Variants in GFOD1 observed in about 807,000 individuals in gnomAD.
GFOD1 encodes the protein glucose-fructose oxidoreductase domain-containing protein 1.
Under a neutral mutation model 25.4 loss-of-function variants are expected in GFOD1, and 9 were observed. The observed-to-expected ratio is 0.35, with a 90% CI of 0.21 to 0.62. GFOD1 has a LOEUF of 0.62. Ranked by LOEUF, GFOD1 falls within the 20% of genes least tolerant of loss-of-function variation. The probability of loss-of-function intolerance (pLI) is 0.72; values close to 1 mark genes in which losing one functional copy is unlikely to be tolerated. For missense variants in GFOD1, 403 were observed against 556.9 expected (o/e 0.72, Z 2.78); for synonymous variants, 253 against 245.6 (o/e 1.03, Z -0.28).
In GFOD1 at chr6:13,365,655, G is replaced by C; in HGVS notation, c.261C>G (p.Gly87=). 1 of 1,593,014 alleles carries C rather than the reference G, an allele frequency of 6.3e-7. No individual in the cohort carries two copies. Among genetic ancestry groups the C allele is most frequent in the Non-Finnish European group, 8.5e-7 (1 of 1,174,918 alleles). The change falls in exon 2 of 2, where the codon GGC becomes GGG. Residue 87 remains glycine (G), a synonymous_variant. Transcript: ENST00000379287. The surrounding 1 kb of genome is among the most constrained non-coding windows in gnomAD (Gnocchi z 9.2). ...CCGTGCGGTCGCAGATGACGTTCTT[G>C]CCGATGCCTGCGGGTGGGAGGAAGA... ...RQIAVKTLGI[G]KNVICDRTAT...
chr6:13,386,444 G>A (rs367988192), intron 1 of GFOD1, among the ~76,000 whole-genome samples: 4 of 152,068 alleles, frequency 2.6e-5, no homozygotes, highest in South Asian at 2.1e-4. Flanking sequence ...GAGGACATGC[G>A]GCTGTCCCTG....
At chr6:13,444,657 G>A (rs1757974823) in intron 1 of GFOD1, among the ~76,000 whole-genome samples, 1 of 151,988 alleles carries the variant, frequency 6.6e-6, no homozygotes, top group African/African-American at 2.4e-5. Context: ...AACGTTTTAT[G>A]TCTAAGTAAC....
intron 1 of GFOD1, among the ~76,000 whole-genome samples, chr6:13,393,780 C>CT (rs70989854): frequency 0.1 from 12,481 of 119,894 alleles, 1,297 homozygotes; most frequent in African/African-American, 0.22. Flanking sequence ...TTTTTCTTTT[C>CT]TTTTTTTTTT....
chr6:13,397,513 C>G (rs548637370), intron 1 of GFOD1, among the ~76,000 whole-genome samples: 6 of 152,334 alleles, frequency 3.9e-5, no homozygotes, highest in African/African-American at 1.2e-4. Flanking sequence ...CTGCCATAAC[C>G]TGGAAGGGTG....
chr6:13,486,208 C>G, intron 1 of GFOD1: 13 of 990,638 alleles, frequency 1.3e-5, no homozygotes, highest in Non-Finnish European at 1.4e-5. Flanking sequence ...ACTCGCCTCT[C>G]CCAGGCGCGC....
At chr6:13,455,234 G>C (rs188590730) in intron 1 of GFOD1, among the ~76,000 whole-genome samples, 3 of 152,248 alleles carry the variant, frequency 2.0e-5, no homozygotes, top group Admixed American at 2.0e-4. Flanking sequence ...GGGTGGGTCA[G>C]GTTTCTGACC....
chr6:13,374,274 TG>T (rs796306865), intron 1 of GFOD1, among the ~76,000 whole-genome samples: 23 of 113,388 alleles, frequency 2.0e-4, no homozygotes, highest in African/African-American at 4.9e-4. Context: ...GTTTTTTTTT[TG>T]TGTGTGTGTG....
chr6:13,404,071 C>T lies in GFOD1; in HGVS notation c.254-38409G>A, dbSNP rs55657318. Among the ~76,000 whole-genome samples the T allele has an allele frequency of 9.0e-3, 1,375 of 152,182 alleles. 18 individuals carry two copies. Among genetic ancestry groups the T allele is most frequent in the African/African-American group, 0.031 (1,303 of 41,518 alleles). Reference sequence around the variant, plus strand: ...TTTTTAAAAGTTAAAAAGTAAACAACGATAGTTTGAAATCAGCCTAATTTT... The same window carrying T: ...TTTTTAAAAGTTAAAAAGTAAACAATGATAGTTTGAAATCAGCCTAATTTT... On this transcript the variant is annotated intron_variant, in intron 1 of 1. Coordinates refer to ENST00000379287, the MANE Select transcript of GFOD1 (RefSeq NM_018988.4).
intron 1 of GFOD1, among the ~76,000 whole-genome samples, chr6:13,416,278 AGT>A (rs1218761330): frequency 6.6e-6 from 1 of 152,244 alleles, no homozygotes; most frequent in East Asian, 1.9e-4. Context: ...TAAATTGTCC[AGT>A]CTCAAGTATG....
At chr6:13,481,915 T>C (rs1758760718) in intron 1 of GFOD1, among the ~76,000 whole-genome samples, 1 of 152,196 alleles carries the variant, frequency 6.6e-6, no homozygotes, top group Admixed American at 6.5e-5. Flanking sequence ...AGATTATTCA[T>C]TACATGGTTG....
chr6:13,439,064 AG>A (rs1355699269), intron 1 of GFOD1, among the ~76,000 whole-genome samples: 3 of 152,126 alleles, frequency 2.0e-5, no homozygotes, highest in African/African-American at 7.2e-5. Flanking sequence ...CTCTGCAATC[AG>A]GGTACTCAGG....
At chr6:13,466,988 C>A (rs1213291803) in intron 1 of GFOD1, among the ~76,000 whole-genome samples, 1 of 152,010 alleles carries the variant, frequency 6.6e-6, no homozygotes, top group African/African-American at 2.4e-5. Context: ...GGCAAGCAGC[C>A]GTCCCACTAA....
chr6:13,383,515 A>G (rs1785405477), intron 1 of GFOD1, among the ~76,000 whole-genome samples: 1 of 152,204 alleles, frequency 6.6e-6, no homozygotes, highest in Non-Finnish European at 1.5e-5. Flanking sequence ...ACAAACATAC[A>G]CTAGGAAAAA....
rs1158971100 is a variant in GFOD1, at chr6:13,430,963, T to C, written c.253+55675A>G. 6.6e-6 allele frequency among the ~76,000 whole-genome samples: 1 copy of C among 152,260 alleles called. No individual in the cohort carries two copies. Among genetic ancestry groups the C allele is most frequent in the Non-Finnish European group, 1.5e-5 (1 of 68,046 alleles). On this transcript the variant is annotated intron_variant, in intron 1 of 1. Transcript: ENST00000379287. This position sits in a 1 kb window ranked among gnomAD's most constrained non-coding sequence, Gnocchi z 4.1. The stretch of plus-strand genomic sequence containing the variant: ...TATATGTGCTTCATCTCATTTGATA[T>C]TCACTGCCATATTTATACATCGGGA...
At chr6:13,466,469 C>G (rs943029012) in intron 1 of GFOD1, among the ~76,000 whole-genome samples, 1 of 151,912 alleles carries the variant, frequency 6.6e-6, no homozygotes, top group Admixed American at 6.6e-5. Flanking sequence ...AACTACATGC[C>G]GAGGGAGCCT....
chr6:13,464,639 T>G (rs1229962505), intron 1 of GFOD1, among the ~76,000 whole-genome samples: 2 of 152,226 alleles, frequency 1.3e-5, no homozygotes, highest in East Asian at 3.8e-4. Flanking sequence ...TTAACATTTA[T>G]ATCAGTAGAT....
intron 1 of GFOD1, among the ~76,000 whole-genome samples, chr6:13,389,581 G>A (rs542752998): frequency 2.5e-4 from 38 of 151,972 alleles, no homozygotes; most frequent in Non-Finnish European, 5.1e-4. Flanking sequence ...CATGGACACA[G>A]AGCAGGGAAC....
At chr6:13,376,280 C>T (rs994904982) in intron 1 of GFOD1, among the ~76,000 whole-genome samples, 3 of 152,034 alleles carry the variant, frequency 2.0e-5, no homozygotes, top group Non-Finnish European at 4.4e-5. Flanking sequence ...CAGGGACTTG[C>T]GGACAGAGGA....
At chr6:13,411,072 G>A (rs1786068868) in intron 1 of GFOD1, among the ~76,000 whole-genome samples, 1 of 152,240 alleles carries the variant, frequency 6.6e-6, no homozygotes, top group African/African-American at 2.4e-5. Context: ...AGACCTTTGA[G>A]TATGCTGTCA....
Sources: gnomAD v4.1 joint callset for allele counts (sites outside exome capture counted in the v4.1 genomes callset) on GRCh38, gnomAD v4.1.1 for gene constraint, Gnocchi (gnomAD v3.1) non-coding constraint, MANE v1.5 for transcripts, NCBI Gene and HGNC (gene_info 2026-07-23, HGNC 2026-07-21) for gene names.